The following OCA2 variants were observed in gnomAD, a reference collection of about 807,000 sequenced individuals.
OCA2 encodes OCA2 melanosomal transmembrane protein, also known as P protein.
OCA2 carries 77 observed loss-of-function variants against 100.2 expected under a neutral mutation model. That is an observed-to-expected ratio of 0.77 (90% CI 0.64 to 0.93). OCA2 has a LOEUF of 0.93. OCA2 is among the 40% of genes least tolerant of loss of function. OCA2 has a pLI of 0.00. For missense variants in OCA2, 1,062 were observed against 1,089.1 expected, an observed-to-expected ratio of 0.98 and a Z score of 0.35; for synonymous variants, 432 against 439.2, an observed-to-expected ratio of 0.98 and a Z score of 0.21.
At chr15:27,806,991 C>A (rs776767477) in intron 23 of OCA2, among the ~76,000 whole-genome samples, 3 of 152,128 alleles carry the variant, frequency 2.0e-5, no homozygotes, top group Non-Finnish European at 4.4e-5. Context: ...ACCTCAGACC[C>A]ACATTAGCAA....
intron 21 of OCA2, among the ~76,000 whole-genome samples, chr15:27,866,887 C>T (rs753232674): frequency 1.3e-5 from 2 of 152,220 alleles, no homozygotes; most frequent in Non-Finnish European, 2.9e-5. Flanking sequence ...ATCAGACACA[C>T]CTGCTCCAGA....
At chr15:27,849,685 G>A (rs944806862) in intron 22 of OCA2, among the ~76,000 whole-genome samples, 2 of 152,200 alleles carry the variant, frequency 1.3e-5, no homozygotes, top group African/African-American at 2.4e-5. Flanking sequence ...GGTGTTTCAT[G>A]GGGAAAGAGC....
At chr15:27,828,274 G>C (rs1160019673) in intron 23 of OCA2, among the ~76,000 whole-genome samples, 1 of 152,094 alleles carries the variant, frequency 6.6e-6, no homozygotes, top group African/African-American at 2.4e-5. Context: ...GGGACTTATA[G>C]TACCAATGTT....
chr15:27,761,179 A>C (rs574551832), intron 23 of OCA2, among the ~76,000 whole-genome samples: 1 of 152,112 alleles, frequency 6.6e-6, no homozygotes, highest in African/African-American at 2.4e-5. Context: ...AAAAATCCTA[A>C]GAAATTGAAA....
At chr15:27,993,560 G>A (rs770768507) in intron 9 of OCA2, among the ~76,000 whole-genome samples, 2 of 152,150 alleles carry the variant, frequency 1.3e-5, no homozygotes, top group Admixed American at 6.5e-5. Context: ...ATGAGCAAAC[G>A]ACAAGGCAGA....
intron 4 of OCA2, among the ~76,000 whole-genome samples, chr15:28,025,990 C>G (rs1017194988): frequency 6.6e-6 from 1 of 152,230 alleles, no homozygotes; most frequent in African/African-American, 2.4e-5. Flanking sequence ...TACGATTCAA[C>G]AGCTCCTACT....
intron 19 of OCA2, among the ~76,000 whole-genome samples, 190 bp downstream of exon 19, chr15:27,925,937 C>T (rs1422324072): frequency 2.6e-5 from 4 of 152,134 alleles, no homozygotes; most frequent in Non-Finnish European, 5.9e-5. Flanking sequence ...ATACGCAGTG[C>T]TGTCAGAAAT....
At chr15:27,965,648 G>C (rs1238930759) in intron 15 of OCA2, among the ~76,000 whole-genome samples, 1 of 152,126 alleles carries the variant, frequency 6.6e-6, no homozygotes, top group Non-Finnish European at 1.5e-5. Context: ...CAGGCCAGCA[G>C]AATCACAAAG....
chr15:27,726,300 A>AAAATAAATAAATAAAT, the OCA2 span, among the ~76,000 whole-genome samples: 2 of 146,434 alleles, frequency 1.4e-5, no homozygotes, highest in Non-Finnish European at 1.5e-5. Context: ...TCCAGCTCAA[A>AAAATAAATAAATAAAT]AAATAAATAA....
intron 23 of OCA2, among the ~76,000 whole-genome samples, chr15:27,843,511 T>A (rs2035418703): frequency 6.6e-6 from 1 of 152,192 alleles, no homozygotes; most frequent in Admixed American, 6.5e-5. Context: ...ATTTCTTTTA[T>A]GCTCAGCAGA....
chr15:27,816,252 GA>G, intron 23 of OCA2, among the ~76,000 whole-genome samples: 1 of 152,224 alleles, frequency 6.6e-6, no homozygotes, highest in East Asian at 1.9e-4. Context: ...GAAGAAGAAA[GA>G]AAAAAATCTT....
intron 23 of OCA2, among the ~76,000 whole-genome samples, chr15:27,818,740 C>T (rs1311181286): frequency 2.0e-5 from 3 of 152,226 alleles, no homozygotes; most frequent in African/African-American, 7.2e-5. Flanking sequence ...TGAACATCTT[C>T]TAAGCAGAAG....
intron 15 of OCA2, among the ~76,000 whole-genome samples, chr15:27,960,390 C>T (rs867690750): frequency 6.6e-6 from 1 of 152,168 alleles, no homozygotes; most frequent in South Asian, 2.1e-4. Context: ...AATAAACATA[C>T]GCTAGGGTAG....
chr15:27,720,702 G>A, the OCA2 span, among the ~76,000 whole-genome samples: 1 of 152,128 alleles, frequency 6.6e-6, no homozygotes, highest in Non-Finnish European at 1.5e-5. Context: ...GGGGCTGACA[G>A]ACCTGTTTGC....
intron 14 of OCA2, among the ~76,000 whole-genome samples, chr15:27,981,189 T>C (rs1341754971): frequency 1.3e-5 from 2 of 152,260 alleles, no homozygotes; most frequent in Non-Finnish European, 2.9e-5. Flanking sequence ...ATGTTTGATG[T>C]GGGGCTTTTT....
intron 9 of OCA2, among the ~76,000 whole-genome samples, chr15:28,014,359 G>A (rs558017144): frequency 6.6e-6 from 1 of 152,268 alleles, no homozygotes; most frequent in Non-Finnish European, 1.5e-5. Context: ...CACAGCCCCA[G>A]GCCATCCGTG....
rs139663017 is a variant in OCA2 at position 27,979,604 on chromosome 15, G to A, written c.1503+3741C>T. Among the ~76,000 whole-genome samples, 17 of 151,748 alleles carry A rather than the reference G, an allele frequency of 1.1e-4. No homozygotes were observed. The East Asian group carries it at 1.5e-3, about 14-fold the overall frequency. On this transcript the variant is annotated intron_variant, in intron 14 of 23. Coordinates refer to ENST00000354638, the MANE Select transcript of OCA2 (RefSeq NM_000275.3). ...GTTACTCTTTGTTTTTCCTTTTAGCGGTTGCTTTAGAGTTTATCATATACA... is the reference window on the plus strand; with the variant it reads ...GTTACTCTTTGTTTTTCCTTTTAGCAGTTGCTTTAGAGTTTATCATATACA...
chr15:27,918,853 G>A (rs969520700), intron 19 of OCA2, among the ~76,000 whole-genome samples: 1 of 152,078 alleles, frequency 6.6e-6, no homozygotes, highest in Non-Finnish European at 1.5e-5. Context: ...GCATAACAAC[G>A]AATAGAATGA....
Position 27,866,390 on chromosome 15 carries a change from G to A in OCA2, c.2244+4764C>T, listed in dbSNP as rs180841798. 1.1e-3 allele frequency among the ~76,000 whole-genome samples: 168 copies of A among 152,290 alleles called. 1 individual carries two copies. The highest frequency in any genetic ancestry group is 3.5e-3 in the African/African-American group (145 of 41,554). On this transcript the variant is annotated intron_variant, in intron 21 of 23. Transcript: ENST00000354638. ...AGGGAGGTGCACAGCTAGGGTCTGC[G>A]ACTCTGAGACATGCAGCAAGCATGG...
Sources: allele counts gnomAD v4.1 joint callset (sites outside exome capture counted in the v4.1 genomes callset), GRCh38; gene constraint gnomAD v4.1.1; transcripts MANE v1.5; gene names NCBI Gene and HGNC (gene_info 2026-07-23, HGNC 2026-07-21).